KIF3C: variants seen among roughly 807,000 people sequenced by gnomAD.
KIF3C encodes the protein kinesin family member 3C.
Under a neutral mutation model 67.7 loss-of-function variants are expected in KIF3C, and 12 were observed. The observed-to-expected ratio is 0.18, with a 90% CI of 0.11 to 0.29. KIF3C has a LOEUF of 0.29. KIF3C is among the 10% of genes least tolerant of loss of function. The probability of loss-of-function intolerance (pLI) is 1.00; values close to 1 mark genes in which losing one functional copy is unlikely to be tolerated. For missense variants in KIF3C, 789 were observed against 1,059.6 expected (o/e 0.74, Z 3.55); for synonymous variants, 393 against 426.2 (o/e 0.92, Z 0.96).
At position 25,929,089 on chromosome 2, in the gene KIF3C, C is replaced by G. The variant is rs368323690; in HGVS notation, c.2289-18G>C. The G allele has an allele frequency of 2.9e-5, 47 of 1,605,582 alleles. No individual in the cohort carries two copies. Among genetic ancestry groups the G allele is most frequent in the Non-Finnish European group, 3.8e-5 (44 of 1,173,074 alleles). On this transcript the variant is annotated intron_variant, in intron 7 of 7. Transcript: ENST00000264712. ...TCTGGCACCTGCAGGGGAGATGACG[C>G]AGGCGAAAGGGGAGGTTAGGGAAAT...
intron 1 of KIF3C, among the ~76,000 whole-genome samples, chr2:25,965,884 C>T (rs1229657137): frequency 2.0e-5 from 3 of 151,964 alleles, no homozygotes; most frequent in Admixed American, 1.3e-4. Flanking sequence ...TAAACAAGTC[C>T]AGTGTAACTA....
chr2:25,964,446 G>A (rs1574493568), intron 1 of KIF3C, among the ~76,000 whole-genome samples: 1 of 152,044 alleles, frequency 6.6e-6, no homozygotes, highest in Non-Finnish European at 1.5e-5. Context: ...TCTATATTGT[G>A]TTTTTAAAAA....
At chr2:25,974,217 G>C (rs1427801875) in intron 1 of KIF3C, among the ~76,000 whole-genome samples, 1 of 151,860 alleles carries the variant, frequency 6.6e-6, no homozygotes, top group Non-Finnish European at 1.5e-5. Flanking sequence ...CTACAGACGC[G>C]CGCCACCAAG....
At chr2:25,954,772 G>T (rs1663764122) in intron 3 of KIF3C, among the ~76,000 whole-genome samples, 1 of 152,208 alleles carries the variant, frequency 6.6e-6, no homozygotes, top group African/African-American at 2.4e-5. Flanking sequence ...AGGACCCGGG[G>T]CTTATTTGGA....
chr2:25,979,538 C>A (rs1664509245), intron 1 of KIF3C, among the ~76,000 whole-genome samples: 1 of 152,166 alleles, frequency 6.6e-6, no homozygotes, highest in African/African-American at 2.4e-5. Context: ...GCAACTTACA[C>A]AAGGCCACTC....
chr2:25,977,297 A>C (rs1664442602), intron 1 of KIF3C, among the ~76,000 whole-genome samples: 1 of 152,158 alleles, frequency 6.6e-6, no homozygotes. Context: ...GATGAGTCAG[A>C]GAGAGTGAAT....
intron 4 of KIF3C, 61 bp from the exon 5 acceptor site, chr2:25,951,966 G>T: frequency 8.7e-7 from 1 of 1,151,170 alleles, no homozygotes; most frequent in South Asian, 1.2e-5. Context: ...CGTGGTGCAT[G>T]TGAGGGTTGA....
Position 25,926,772 on chromosome 2 carries a change from T to C in KIF3C, c.*2206A>G, listed in dbSNP as rs567293233. On this transcript the variant is annotated 3_prime_UTR_variant, in exon 8 of 8. Coordinates refer to ENST00000264712, the MANE Select transcript of KIF3C (RefSeq NM_002254.8). The stretch of plus-strand genomic sequence containing the variant: ...TATATATATATTTATATATTACATA[T>C]GTCCCGTATAGTCATATGTGTAGAG... The C allele has an allele frequency of 1.6e-4, 24 of 152,292 alleles. No homozygotes were observed. The highest frequency in any genetic ancestry group is 5.5e-4 in the African/African-American group (23 of 41,582). The allele number at this position is 152,292 out of a possible 1,614,324, so 9.4% of individuals were successfully genotyped here. A position where few individuals can be genotyped will look rare whatever the true frequency, so the allele number is the denominator to read the frequency against.
intron 1 of KIF3C, among the ~76,000 whole-genome samples, chr2:25,974,999 C>T (rs1353245912): frequency 7.4e-6 from 1 of 135,512 alleles, no homozygotes; most frequent in Non-Finnish European, 1.6e-5. Flanking sequence ...CCACTCCAGC[C>T]TGGGCAACAA....
Position 25,948,045 on chromosome 2 carries a change from A to G in KIF3C, c.2006+3744T>C, listed in dbSNP as rs536321123. ...GCATGAACACCTGGTGGAAGAAAGC[A>G]AACTTTTAAAAAACATTTAAGAAAA... On this transcript the variant is annotated intron_variant, in intron 5 of 7. Transcript: ENST00000264712. Among the ~76,000 whole-genome samples the G allele has an allele frequency of 2.6e-5, 4 of 152,234 alleles. No homozygotes were observed. In the South Asian group the frequency reaches 8.3e-4, roughly 32 times the overall value.
chr2:25,955,453 T>C lies in KIF3C; in HGVS notation c.1770+88A>G. The C allele has an allele frequency of 6.7e-7, 1 of 1,492,720 alleles. No individual in the cohort carries two copies. The allele number at this position is 1,492,720 out of a possible 1,614,324, so 92.5% of individuals were successfully genotyped here. A position where few individuals can be genotyped will look rare whatever the true frequency, so the allele number is the denominator to read the frequency against. On this transcript the variant is annotated intron_variant, in intron 3 of 7. Coordinates refer to ENST00000264712, the MANE Select transcript of KIF3C (RefSeq NM_002254.8). The surrounding 1 kb of genome is among the most constrained non-coding windows in gnomAD (Gnocchi z 5.0). The stretch of plus-strand genomic sequence containing the variant: ...CAGGGGTTCAGCAGTTCCAGCCAAA[T>C]GGGGAGGAGTCCCTGAAGCACACAT...
intron 1 of KIF3C, among the ~76,000 whole-genome samples, chr2:25,959,367 C>G (rs1175632331): frequency 6.6e-6 from 1 of 152,160 alleles, no homozygotes; most frequent in Non-Finnish European, 1.5e-5. Flanking sequence ...TCTCTGGGTC[C>G]CTGGACTTAG....
chr2:25,953,944 G>A (rs1663728083), intron 4 of KIF3C, among the ~76,000 whole-genome samples: 1 of 152,118 alleles, frequency 6.6e-6, no homozygotes, highest in African/African-American at 2.4e-5. Context: ...TGGGATTACA[G>A]GCATGAGCCA....
chr2:25,944,191 G>GCATGTGCTAA (rs1663367759), intron 5 of KIF3C, among the ~76,000 whole-genome samples: 1 of 151,912 alleles, frequency 6.6e-6, no homozygotes. Flanking sequence ...GGGATTACAG[G>GCATGTGCTAA]TGTGATCCAC....
chr2:25,938,331 C>T (rs916758196), intron 5 of KIF3C: 1 of 424,432 alleles, frequency 2.4e-6, no homozygotes, highest in African/African-American at 2.1e-5. Context: ...GCATTTCAGC[C>T]TGGGCGACAG....
In KIF3C at chr2:25,955,826, A is replaced by T. The variant is rs1453376660; in HGVS notation, c.1648-163T>A. Among the ~76,000 whole-genome samples the T allele has an allele frequency of 6.6e-6, 1 of 151,668 alleles. No homozygotes were observed. Among genetic ancestry groups the T allele is most frequent in the African/African-American group, 2.4e-5 (1 of 41,256 alleles). The stretch of plus-strand genomic sequence containing the variant: ...ACCCAATCCTGCAGAGCCCCTGGGA[A>T]CCCTCCTCTCAGTTCCCAGGGCCAT... On this transcript the variant is annotated intron_variant, in intron 2 of 7. Coordinates refer to ENST00000264712, the MANE Select transcript of KIF3C (RefSeq NM_002254.8). The surrounding 1 kb of genome is among the most constrained non-coding windows in gnomAD (Gnocchi z 5.0).
At chr2:25,944,157 C>T (rs776150864) in intron 5 of KIF3C, among the ~76,000 whole-genome samples, 3 of 151,950 alleles carry the variant, frequency 2.0e-5, no homozygotes, top group Non-Finnish European at 4.4e-5. Flanking sequence ...AAGCAATTCC[C>T]CTGCCTCAGC....
chr2:25,927,334 C>G lies in KIF3C; in HGVS notation c.*1644G>C, dbSNP rs984950939. ...TTTCTACACACAACTCCTGTCCCAG[C>G]CACAGTCGAACCTCTGATCTGAATC... On this transcript the variant is annotated 3_prime_UTR_variant, in exon 8 of 8. Transcript: ENST00000264712. 1 of 152,642 alleles carries G rather than the reference C, an allele frequency of 6.6e-6. No individual in the cohort carries two copies. Among genetic ancestry groups the G allele is most frequent in the Non-Finnish European group, 1.5e-5 (1 of 68,058 alleles). 9.5% of individuals were successfully genotyped at this position (152,642 alleles called of 1,614,324 possible). A position where few individuals can be genotyped will look rare whatever the true frequency, so the allele number is the denominator to read the frequency against.
intron 5 of KIF3C, among the ~76,000 whole-genome samples, chr2:25,950,222 C>T (rs1196432472): frequency 1.4e-5 from 2 of 141,496 alleles, no homozygotes; most frequent in Admixed American, 1.4e-4. Flanking sequence ...CTTTTCTTTT[C>T]TTTTTTTTTT....
Sources: gnomAD v4.1 joint callset for allele counts (sites outside exome capture counted in the v4.1 genomes callset) on GRCh38, gnomAD v4.1.1 for gene constraint, Gnocchi (gnomAD v3.1) non-coding constraint, MANE v1.5 for transcripts, NCBI Gene and HGNC (gene_info 2026-07-23, HGNC 2026-07-21) for gene names.